WEE2: variants seen among roughly 807,000 people sequenced by gnomAD.
The protein encoded by WEE2 is wee1-like protein kinase 2.
Under a neutral mutation model 60.1 loss-of-function variants are expected in WEE2, and 50 were observed. That is an observed-to-expected ratio of 0.83 (90% CI 0.66 to 1.05). The LOEUF is 1.05. WEE2 is among the 50% of genes least tolerant of loss of function. The pLI is 0.00. For synonymous variants in WEE2, 240 were observed against 241.0 expected, an observed-to-expected ratio of 1.00 and a Z score of 0.04; for missense variants, 631 against 684.3, an observed-to-expected ratio of 0.92 and a Z score of 0.87.
chr7:141,728,833 A>G (rs540622604), intron 10 of WEE2, among the ~76,000 whole-genome samples: 5 of 152,164 alleles, frequency 3.3e-5, no homozygotes, highest in Non-Finnish European at 5.9e-5. Context: ...TACAAACCCT[A>G]TTGTAAACTG....
At chr7:141,725,611 C>T (rs1319231192) in intron 9 of WEE2, among the ~76,000 whole-genome samples, 9 of 122,338 alleles carry the variant, frequency 7.4e-5, no homozygotes, top group African/African-American at 2.8e-4. Context: ...GGCGACAGAG[C>T]GAGACTCCGT....
chr7:141,721,084 G>A lies in WEE2; in HGVS notation c.880+28G>A, dbSNP rs575620168. 27 of 1,612,752 alleles carry A rather than the reference G, an allele frequency of 1.7e-5. No individual in the cohort carries two copies. The East Asian group carries it at 3.6e-4, about 21-fold the overall frequency. On this transcript the variant is annotated intron_variant, in intron 5 of 11. Coordinates refer to ENST00000397541, the MANE Select transcript of WEE2 (RefSeq NM_001105558.1). ...AAGTAGTATATAGATGAATAACTAC[G>A]AAGAGGGAGATGAACTTTATAAGCC... is the stretch of plus-strand genomic sequence containing the variant.
chr7:141,723,829 C>G (rs1028626888), intron 6 of WEE2, 112 bp from the exon 7 acceptor site: 10 of 705,218 alleles, frequency 1.4e-5, no homozygotes, highest in African/African-American at 3.6e-5. Flanking sequence ...TAGTCTATGT[C>G]CACACAAAAG....
Position 141,714,190 on chromosome 7 carries a change from T to C in WEE2, c.343-19T>C, listed in dbSNP as rs1798755009. On this transcript the variant is annotated intron_variant, in intron 1 of 11. Coordinates refer to ENST00000397541, the MANE Select transcript of WEE2 (RefSeq NM_001105558.1). ...TTTACTAATGCTATTATGACTTGCC[T>C]TTTGTCATCCTCATTCAGACCATGC... 6.3e-7 allele frequency: 1 copy of C among 1,586,528 alleles called. No individual in the cohort carries two copies.
chr7:141,720,892 CTTGA>C, intron 4 of WEE2, 39 bp from the exon 5 acceptor site: 1 of 1,596,868 alleles, frequency 6.3e-7, no homozygotes, highest in Non-Finnish European at 8.6e-7. Context: ...TGTGCATTAT[CTTGA>C]TTGATGTTTT....
At chr7:141,729,973 G>T (rs1276981726) in intron 11 of WEE2, among the ~76,000 whole-genome samples, 3 of 144,774 alleles carry the variant, frequency 2.1e-5, no homozygotes, top group African/African-American at 7.8e-5. Context: ...GGGCAACAGA[G>T]CGAGACTCTG....
chr7:141,724,432 CAA>C (rs1290065753), intron 8 of WEE2, among the ~76,000 whole-genome samples, 157 bp downstream of exon 8: 1 of 152,044 alleles, frequency 6.6e-6, no homozygotes, highest in African/African-American at 2.4e-5. Flanking sequence ...GAAACTCTTC[CAA>C]AAAAGTGAGG....
rs1015542150 is a variant in WEE2 at position 141,729,618 on chromosome 7, A to G, written c.1623A>G (p.Ser541=). The stretch of plus-strand genomic sequence containing the variant: ...GGGTCTCTGGGACCCACACAGGATC[A>G]AGAAGCACAAAACGCCTGGTGGGAG... ...DTGVSGTHTG[S]RSTKRLVGGK... Residue 541 remains serine (S), a synonymous_variant, in exon 11 of 12, where the codon TCA becomes TCG. Transcript: ENST00000397541. The G allele has an allele frequency of 4.3e-6, 7 of 1,614,162 alleles. No individual in the cohort carries two copies. Among genetic ancestry groups the G allele is most frequent in the Non-Finnish European group, 5.9e-6 (7 of 1,180,026 alleles).
intron 5 of WEE2, 143 bp from the exon 6 acceptor site, chr7:141,722,991 A>C (rs1176730043): frequency 1.0e-6 from 1 of 1,002,270 alleles, no homozygotes; most frequent in East Asian, 2.5e-5. Flanking sequence ...CATTTTATAC[A>C]AGGCTCTTGG....
Position 141,724,179 on chromosome 7 carries a change from C to G in WEE2, c.1136-11C>G, listed in dbSNP as rs759019678. 3 of 1,592,790 alleles carry G rather than the reference C, an allele frequency of 1.9e-6. No individual in the cohort carries two copies. Among genetic ancestry groups the G allele is most frequent in the Middle Eastern group, 1.7e-4 (1 of 5,914 alleles). ...TCGATTTTATTCTTTTTTCCTTTTT[C>G]TTTTTTTTAGGTGACCTGGGCCACG... On this transcript the variant is annotated splice_polypyrimidine_tract_variant and intron_variant, in intron 7 of 11. Coordinates refer to ENST00000397541, the MANE Select transcript of WEE2 (RefSeq NM_001105558.1).
intron 6 of WEE2, 114 bp downstream of exon 6, chr7:141,723,394 C>A: frequency 8.9e-7 from 1 of 1,127,598 alleles, no homozygotes; most frequent in Non-Finnish European, 1.2e-6. Context: ...CTGGCAGAAC[C>A]CCTTTCTTCC....
chr7:141,729,247 T>G (rs1227691565), intron 10 of WEE2, among the ~76,000 whole-genome samples: 1 of 152,198 alleles, frequency 6.6e-6, no homozygotes, highest in African/African-American at 2.4e-5. Context: ...ACCTTTCATA[T>G]GTAGCCTGAA....
Position 141,723,938 on chromosome 7 carries a change from C to A in WEE2, c.1028-3C>A, listed in dbSNP as rs1438703954. On this transcript the variant is annotated splice_polypyrimidine_tract_variant and splice_region_variant and intron_variant, in intron 6 of 11. Coordinates refer to ENST00000397541, the MANE Select transcript of WEE2 (RefSeq NM_001105558.1). ...TACATCTATCCTGTCATTTTTTTTT[C>A]AGGTAATATATTCATTTGTCACAAG... The A allele has an allele frequency of 6.4e-7, 1 of 1,562,476 alleles. No homozygotes were observed. Among genetic ancestry groups the A allele is most frequent in the Non-Finnish European group, 8.7e-7 (1 of 1,150,082 alleles).
intron 3 of WEE2, among the ~76,000 whole-genome samples, chr7:141,718,864 T>C (rs1798853229): frequency 6.6e-6 from 1 of 152,108 alleles, no homozygotes; most frequent in Non-Finnish European, 1.5e-5. Context: ...TATAGGGTTG[T>C]ACAGAAGGTT....
intron 2 of WEE2, 31 bp from the exon 3 acceptor site, chr7:141,716,191 A>G: frequency 1.3e-6 from 2 of 1,575,816 alleles, no homozygotes; most frequent in Non-Finnish European, 1.7e-6. Context: ...TATTAATTAT[A>G]TATTGATAAA....
At chr7:141,720,431 T>A (rs1403851518) in intron 4 of WEE2, among the ~76,000 whole-genome samples, 1 of 152,234 alleles carries the variant, frequency 6.6e-6, no homozygotes, top group East Asian at 1.9e-4. Context: ...CCTGTGAGTA[T>A]ATCATATTGG....
At chr7:141,714,484 A>G in intron 2 of WEE2, 79 bp downstream of exon 2, 3 of 1,110,420 alleles carry the variant, frequency 2.7e-6, no homozygotes, top group South Asian at 1.6e-5. Context: ...TTAAAGTAAG[A>G]TTAGGAACGA....
chr7:141,714,450 C>T (rs1798763818), intron 2 of WEE2, 45 bp downstream of exon 2: 11 of 1,429,652 alleles, frequency 7.7e-6, no homozygotes, highest in Non-Finnish European at 1.1e-5. Context: ...GACCCTACTA[C>T]AGTCAAGTAG....
rs978385778 is a variant in WEE2, at chr7:141,730,388, C to A, written c.*68C>A. The A allele has an allele frequency of 3.6e-6, 5 of 1,397,112 alleles. No homozygotes were observed. In the African/African-American group the frequency reaches 7.1e-5, roughly 20 times the overall value. The allele number at this position is 1,397,112 out of a possible 1,614,324, so 86.5% of individuals were successfully genotyped here. On this transcript the variant is annotated 3_prime_UTR_variant, in exon 12 of 12. Transcript: ENST00000397541. Reference sequence around the variant, plus strand: ...CGAGGTTGCTGTTGCTGATTCCCCACCAAAGATCCCAGGGACTCGTTGTAC... The same window carrying A: ...CGAGGTTGCTGTTGCTGATTCCCCAACAAAGATCCCAGGGACTCGTTGTAC...
Sources: allele counts gnomAD v4.1 joint callset (sites outside exome capture counted in the v4.1 genomes callset), GRCh38; gene constraint gnomAD v4.1.1; transcripts MANE v1.5; gene names NCBI Gene and HGNC (gene_info 2026-07-23, HGNC 2026-07-21).